Variants in ADGRB3 observed in about 807,000 individuals in gnomAD.
The protein encoded by ADGRB3 is adhesion G protein-coupled receptor B3.
Under a neutral mutation model 193.4 loss-of-function variants are expected in ADGRB3, and 37 were observed. That is an observed-to-expected ratio of 0.19 (90% CI 0.15 to 0.25). The LOEUF is 0.25. ADGRB3 is among the 10% of genes least tolerant of loss of function. The pLI is 1.00. For missense variants in ADGRB3, 1,637 were observed against 1,852.9 expected, an observed-to-expected ratio of 0.88 and a Z score of 2.14; for synonymous variants, 690 against 644.2, an observed-to-expected ratio of 1.07 and a Z score of -1.08.
intron 3 of ADGRB3, among the ~76,000 whole-genome samples, chr6:68,702,845 G>C (rs183470300): frequency 6.6e-6 from 1 of 152,144 alleles, no homozygotes; most frequent in African/African-American, 2.4e-5. Flanking sequence ...TGATACATTC[G>C]ACTGAAATAT....
chr6:69,126,256 T>C (rs1347104396), intron 17 of ADGRB3, among the ~76,000 whole-genome samples: 1 of 151,948 alleles, frequency 6.6e-6, no homozygotes, highest in Non-Finnish European at 1.5e-5. Context: ...CATACATACA[T>C]ACATACATAC....
At chr6:68,798,830 A>G (rs1199276190) in intron 3 of ADGRB3, among the ~76,000 whole-genome samples, 2 of 152,208 alleles carry the variant, frequency 1.3e-5, no homozygotes, top group African/African-American at 4.8e-5. Context: ...TACTCACAGT[A>G]AAAATACATT....
intron 11 of ADGRB3, 146 bp from the exon 12 acceptor site, chr6:69,013,892 G>A (rs1374304265): frequency 4.4e-6 from 2 of 453,166 alleles, no homozygotes; most frequent in Non-Finnish European, 7.9e-6. Context: ...AGGATCCTCA[G>A]TGATCTTCTA....
chr6:69,317,788 T>C (rs796169846), intron 20 of ADGRB3, among the ~76,000 whole-genome samples: 2 of 151,606 alleles, frequency 1.3e-5, no homozygotes, highest in Admixed American at 6.6e-5. Context: ...TGTGACTTAA[T>C]AATTTGGTCA....
chr6:69,119,909 G>T (rs1773637250), intron 17 of ADGRB3, among the ~76,000 whole-genome samples: 1 of 152,182 alleles, frequency 6.6e-6, no homozygotes, highest in African/African-American at 2.4e-5. Flanking sequence ...TTGGCAATGG[G>T]TTATTTAGAA....
At chr6:69,165,485 T>C (rs938492470) in intron 17 of ADGRB3, among the ~76,000 whole-genome samples, 2 of 151,900 alleles carry the variant, frequency 1.3e-5, no homozygotes, top group Non-Finnish European at 2.9e-5. Context: ...TTGGATGCCA[T>C]GTATCATCCT....
chr6:69,177,048 G>A (rs772427129), intron 17 of ADGRB3, among the ~76,000 whole-genome samples: 1 of 152,012 alleles, frequency 6.6e-6, no homozygotes, highest in African/African-American at 2.4e-5. Context: ...GCAATCTGTC[G>A]ATCTTGTTTA....
At chr6:69,241,069 A>T (rs962910197) in intron 20 of ADGRB3, among the ~76,000 whole-genome samples, 1 of 151,990 alleles carries the variant, frequency 6.6e-6, no homozygotes. Context: ...AGTACAAAAT[A>T]TGCTTTTAAA....
chr6:69,154,359 A>G (rs1427248862), intron 17 of ADGRB3, among the ~76,000 whole-genome samples: 4 of 152,106 alleles, frequency 2.6e-5, no homozygotes, highest in African/African-American at 9.7e-5. Context: ...CCACCTCCTC[A>G]TTAGATAGAG....
At position 69,388,938 on chromosome 6, in the gene ADGRB3, C is replaced by A; in HGVS notation, c.*47C>A. On this transcript the variant is annotated 3_prime_UTR_variant, in exon 32 of 32. Coordinates refer to ENST00000370598, the MANE Select transcript of ADGRB3 (RefSeq NM_001704.3). ...TAGAGACAAAACTTTATTGCACTGA[C>A]ACTTAAGACTTGGGAAGCCTGACAT... The A allele has an allele frequency of 6.5e-7, 1 of 1,543,920 alleles. No homozygotes were observed. The highest frequency in any genetic ancestry group is 1.9e-5 in the Admixed American group (1 of 53,200).
chr6:69,314,005 T>G (rs961215714), intron 20 of ADGRB3, among the ~76,000 whole-genome samples: 2 of 151,754 alleles, frequency 1.3e-5, no homozygotes, highest in Non-Finnish European at 2.9e-5. Context: ...AAGCTTTCGT[T>G]GAATTCTTGG....
In ADGRB3 at chr6:69,089,869, C is replaced by T. The variant is rs539197324; in HGVS notation, c.2480+13831C>T. On this transcript the variant is annotated intron_variant, in intron 17 of 31. Transcript: ENST00000370598. ...TTAGTTGTGATGGCCAAACATGTCT[C>T]CAGATATTACCAAATGTTCGTGAGG... Among the ~76,000 whole-genome samples the T allele has an allele frequency of 2.0e-5, 3 of 152,252 alleles. No individual in the cohort carries two copies. In the East Asian group the frequency reaches 5.8e-4, roughly 29 times the overall value.
chr6:68,667,887 A>G (rs1768841771), intron 3 of ADGRB3, among the ~76,000 whole-genome samples: 1 of 151,810 alleles, frequency 6.6e-6, no homozygotes, highest in Non-Finnish European at 1.5e-5. Context: ...GAGGCCCCAC[A>G]TTTAGAACAA....
chr6:68,944,255 T>C (rs1013735134), intron 6 of ADGRB3, among the ~76,000 whole-genome samples: 1 of 152,210 alleles, frequency 6.6e-6, no homozygotes, highest in East Asian at 1.9e-4. Context: ...ACTAAGACTT[T>C]TATCTGCACT....
chr6:68,798,580 G>A (rs913527341), intron 3 of ADGRB3, among the ~76,000 whole-genome samples: 6 of 152,212 alleles, frequency 3.9e-5, no homozygotes, highest in Middle Eastern at 3.4e-3. Flanking sequence ...AATACCTAAT[G>A]TAGGTGACAG....
At chr6:68,677,985 A>G (rs1314136885) in intron 3 of ADGRB3, among the ~76,000 whole-genome samples, 1 of 152,146 alleles carries the variant, frequency 6.6e-6, no homozygotes, top group Non-Finnish European at 1.5e-5. Flanking sequence ...TCACCCTGTA[A>G]AAATAACCAT....
intron 16 of ADGRB3, among the ~76,000 whole-genome samples, chr6:69,065,606 G>GATATATATAAAGATAGA (rs1394983188): frequency 6.6e-6 from 1 of 151,946 alleles, no homozygotes; most frequent in Non-Finnish European, 1.5e-5. Flanking sequence ...GTCTTATAAA[G>GATATATATAAAGATAGA]ATATATTCTA....
intron 17 of ADGRB3, among the ~76,000 whole-genome samples, chr6:69,213,909 T>C (rs1318865746): frequency 6.6e-6 from 1 of 152,170 alleles, no homozygotes; most frequent in Non-Finnish European, 1.5e-5. Flanking sequence ...TTATATATTG[T>C]GATTCCAAAT....
rs375676547 is a variant in ADGRB3, at chr6:68,847,913, GA to G, written c.758-82638del. Among the ~76,000 whole-genome samples, 319 of 147,850 alleles carry G rather than the reference GA, an allele frequency of 2.2e-3. 5 individuals carry two copies. The highest frequency in any genetic ancestry group is 5.5e-3 in the African/African-American group (222 of 40,306). On this transcript the variant is annotated intron_variant, in intron 3 of 31. Coordinates refer to ENST00000370598, the MANE Select transcript of ADGRB3 (RefSeq NM_001704.3). ...GAAGGGAGACACAAAGGAAAGGAAGGAAAAAAAAGAATAGAAAAAAAGAAGA... is the reference window on the plus strand; with the variant it reads ...GAAGGGAGACACAAAGGAAAGGAAGGAAAAAAAGAATAGAAAAAAAGAAGA...
Sources: allele counts gnomAD v4.1 joint callset (sites outside exome capture counted in the v4.1 genomes callset), GRCh38; gene constraint gnomAD v4.1.1; transcripts MANE v1.5; gene names NCBI Gene and HGNC (gene_info 2026-07-23, HGNC 2026-07-21).